The following MCUB variants were observed in gnomAD, a reference collection of about 807,000 sequenced individuals.
MCUB encodes mitochondrial calcium uniporter dominant negative subunit beta.
A neutral mutation model predicts 41.4 loss-of-function variants in MCUB; 46 were observed. That is an observed-to-expected ratio of 1.11 (90% confidence interval 0.88 to 1.42). The LOEUF is 1.42. Among genes scored for constraint, MCUB ranks in the 40% most tolerant of loss-of-function variants. MCUB has a pLI of 0.00. For synonymous variants in MCUB, 148 were observed against 148.2 expected (o/e 1.00, Z 0.01); for missense variants, 403 against 404.9 (o/e 1.00, Z 0.04).
At chr4:109,576,470 G>A (rs1178462381) in intron 1 of MCUB, among the ~76,000 whole-genome samples, 1 of 147,384 alleles carries the variant, frequency 6.8e-6, no homozygotes, top group Non-Finnish European at 1.5e-5. Context: ...CAGCCTCACT[G>A]ATAGTCAAAA....
intron 1 of MCUB, among the ~76,000 whole-genome samples, chr4:109,633,855 T>C (rs1391998550): frequency 6.6e-6 from 1 of 152,152 alleles, no homozygotes; most frequent in Non-Finnish European, 1.5e-5. Context: ...TATGTTCTTA[T>C]CTAAGAGACA....
At chr4:109,674,361 G>A (rs1729526843) in intron 4 of MCUB, among the ~76,000 whole-genome samples, 1 of 152,196 alleles carries the variant, frequency 6.6e-6, no homozygotes, top group Admixed American at 6.5e-5. Flanking sequence ...TCACCTAAAT[G>A]CACTTGATGG....
At chr4:109,682,783 C>T (rs758204871) in intron 5 of MCUB, 41 bp downstream of exon 5, 2 of 1,504,616 alleles carry the variant, frequency 1.3e-6, no homozygotes, top group East Asian at 2.3e-5. Context: ...AAAATAATAC[C>T]TAGTGTTTAT....
intron 4 of MCUB, among the ~76,000 whole-genome samples, chr4:109,673,135 A>G (rs1273359155): frequency 6.6e-6 from 1 of 152,246 alleles, no homozygotes; most frequent in Non-Finnish European, 1.5e-5. Context: ...CAGAAATTGG[A>G]AAATATGGAA....
In MCUB at chr4:109,606,754, TTG is replaced by T. The variant is rs201775780; in HGVS notation, c.99+46327_99+46328del. Reference sequence around the variant, plus strand: ...CTTTAAAAGTTATCATAGTTCTTTTTTGTGTGTGTGAAATGGAATTTCACTCT... The same window carrying T: ...CTTTAAAAGTTATCATAGTTCTTTTTTGTGTGTGAAATGGAATTTCACTCT... On this transcript the variant is annotated intron_variant, in intron 1 of 7. Coordinates refer to ENST00000394650, the MANE Select transcript of MCUB (RefSeq NM_017918.5). Among the ~76,000 whole-genome samples the T allele has an allele frequency of 3.5e-3, 536 of 152,318 alleles. 5 individuals carry two copies. Among genetic ancestry groups the T allele is most frequent in the East Asian group, 0.013 (69 of 5,182 alleles).
intron 1 of MCUB, among the ~76,000 whole-genome samples, chr4:109,653,361 A>G (rs527482832): frequency 2.4e-4 from 36 of 151,818 alleles, no homozygotes; most frequent in Non-Finnish European, 4.0e-4. Flanking sequence ...CCTGGGGGAC[A>G]GAGCAAGACC....
Position 109,685,260 on chromosome 4 carries a change from TACTC to T in MCUB, c.828_831del (p.Tyr276Ter), listed in dbSNP as rs754274570. The T allele has an allele frequency of 1.7e-5, 23 of 1,365,114 alleles. 1 individual carries two copies. The South Asian group carries it at 2.3e-4, about 14-fold the overall frequency. The allele number at this position is 1,365,114 out of a possible 1,614,324, so 84.6% of individuals were successfully genotyped here. ...TCTCTTTTTTTTTAAGGATTATACT[TACTC>T]AGCTGTTAAGAGTAGGCAATTTCTT... is the stretch of plus-strand genomic sequence containing the variant. On this transcript the variant is annotated frameshift_variant, in exon 7 of 8. Coordinates refer to ENST00000394650, the MANE Select transcript of MCUB (RefSeq NM_017918.5). LOFTEE classifies it high-confidence loss of function.
At chr4:109,661,755 G>A (rs915575873) in intron 3 of MCUB, among the ~76,000 whole-genome samples, 2 of 152,062 alleles carry the variant, frequency 1.3e-5, no homozygotes, top group Non-Finnish European at 2.9e-5. Context: ...GCTCTGGGCC[G>A]CATGCGGTGG....
chr4:109,580,567 C>A (rs1247725608), intron 1 of MCUB, among the ~76,000 whole-genome samples: 1 of 152,198 alleles, frequency 6.6e-6, no homozygotes. Context: ...TTAATGATTG[C>A]CATTCTAACT....
At chr4:109,666,323 A>C (rs1032470594) in intron 4 of MCUB, among the ~76,000 whole-genome samples, 1 of 152,226 alleles carries the variant, frequency 6.6e-6, no homozygotes, top group Non-Finnish European at 1.5e-5. Flanking sequence ...ACCCAGGAAC[A>C]TGATTGCTGG....
chr4:109,640,029 A>G (rs758304406), intron 1 of MCUB, among the ~76,000 whole-genome samples: 1 of 152,176 alleles, frequency 6.6e-6, no homozygotes, highest in Non-Finnish European at 1.5e-5. Context: ...GCTGAGTCAG[A>G]AAAGGGTGGT....
At chr4:109,565,388 A>C (rs1726747321) in intron 1 of MCUB, among the ~76,000 whole-genome samples, 1 of 152,182 alleles carries the variant, frequency 6.6e-6, no homozygotes, top group Non-Finnish European at 1.5e-5. Context: ...ACTAGACAGC[A>C]ATTTCTTCCA....
At chr4:109,608,437 G>A (rs893326344) in intron 1 of MCUB, among the ~76,000 whole-genome samples, 2 of 152,156 alleles carry the variant, frequency 1.3e-5, no homozygotes, top group South Asian at 4.2e-4. Flanking sequence ...TTCCTGGATG[G>A]TCTTGGTATT....
At chr4:109,656,354 CTTTTTTTTTTTT>C (rs752851425) in intron 1 of MCUB, among the ~76,000 whole-genome samples, 1,454 of 61,908 alleles carry the variant, frequency 0.023, 51 homozygotes, top group African/African-American at 0.066. Flanking sequence ...TTACTCTCTA[CTTTTTTTTTTTT>C]TTTTTTTTTT....
At chr4:109,581,760 C>G (rs1159221349) in intron 1 of MCUB, among the ~76,000 whole-genome samples, 1 of 152,028 alleles carries the variant, frequency 6.6e-6, no homozygotes, top group Admixed American at 6.5e-5. Flanking sequence ...TTTATGCAGC[C>G]AAAAAACACA....
In MCUB at chr4:109,560,286, A is replaced by T. The variant is rs1423302576; in HGVS notation, c.-52A>T. ...CAGGCGCTGACGAGGAGCCCGGCTG[A>T]GGGAGGATGCGCCGCTGACGCCTGC... On this transcript the variant is annotated 5_prime_UTR_variant, in exon 1 of 8. Coordinates refer to ENST00000394650, the MANE Select transcript of MCUB (RefSeq NM_017918.5). 9.7e-6 allele frequency: 9 copies of T among 931,238 alleles called. No homozygotes were observed. Among genetic ancestry groups the T allele is most frequent in the Middle Eastern group, 3.7e-4 (1 of 2,680 alleles). The allele number at this position is 931,238 out of a possible 1,614,324, so 57.7% of individuals were successfully genotyped here. A position where few individuals can be genotyped will look rare whatever the true frequency, so the allele number is the denominator to read the frequency against.
chr4:109,598,713 A>G (rs1473991363), intron 1 of MCUB, among the ~76,000 whole-genome samples: 3 of 152,154 alleles, frequency 2.0e-5, no homozygotes, highest in Non-Finnish European at 4.4e-5. Flanking sequence ...ATTGCTGGTG[A>G]GGCCTGGTTA....
chr4:109,659,125 T>C (rs1346980130), intron 2 of MCUB, 39 bp downstream of exon 2: 9 of 1,118,408 alleles, frequency 8.0e-6, no homozygotes, highest in Non-Finnish European at 1.2e-5. Flanking sequence ...ATATGTTAAT[T>C]GTTTCCCTTT....
intron 2 of MCUB, among the ~76,000 whole-genome samples, chr4:109,659,832 A>G (rs1032071252): frequency 6.6e-6 from 1 of 152,054 alleles, no homozygotes; most frequent in Non-Finnish European, 1.5e-5. Flanking sequence ...TAATTTTCGT[A>G]TATTTTGTAG....
Sources: allele counts gnomAD v4.1 joint callset (sites outside exome capture counted in the v4.1 genomes callset), GRCh38; gene constraint gnomAD v4.1.1; transcripts MANE v1.5; gene names NCBI Gene and HGNC (gene_info 2026-07-23, HGNC 2026-07-21).